Variants in CERT1 observed in about 807,000 individuals in gnomAD.
CERT1 encodes ceramide transporter 1.
A neutral mutation model predicts 87.9 loss-of-function variants in CERT1; 31 were observed. The ratio of observed to expected loss-of-function variants is 0.35; its 90% CI spans 0.27 to 0.48. The LOEUF is 0.48. Ranked by LOEUF, CERT1 falls within the 20% of genes least tolerant of loss-of-function variation. The pLI is 0.99. For missense variants in CERT1, 487 were observed against 758.0 expected (o/e 0.64, Z 4.20); for synonymous variants, 289 against 250.9 (o/e 1.15, Z -1.44).
chr5:75,468,761 T>A (rs928600381), intron 2 of CERT1, among the ~76,000 whole-genome samples: 1 of 152,168 alleles, frequency 6.6e-6, no homozygotes, highest in Non-Finnish European at 1.5e-5. Context: ...GCAACAGTCA[T>A]GGGCTTAGAG....
intron 3 of CERT1, among the ~76,000 whole-genome samples, chr5:75,442,749 G>GAAAGGAGAGAGGGA (rs1368310868): frequency 6.6e-6 from 1 of 152,068 alleles, no homozygotes; most frequent in African/African-American, 2.4e-5. Context: ...AACACATTTT[G>GAAAGGAGAGAGGGA]AAAGGAGAGA....
At chr5:75,504,409 T>C (rs996500318) in intron 2 of CERT1, among the ~76,000 whole-genome samples, 12 of 152,164 alleles carry the variant, frequency 7.9e-5, no homozygotes, top group African/African-American at 2.9e-4. Flanking sequence ...ATATTTCTTC[T>C]GTGTTTCTCT....
At chr5:75,382,123 C>T in intron 14 of CERT1, 46 bp from the exon 15 acceptor site, 1 of 1,569,484 alleles carries the variant, frequency 6.4e-7, no homozygotes, top group Non-Finnish European at 8.7e-7. Flanking sequence ...TAACATGGAA[C>T]TAACAAGAGA....
intron 11 of CERT1, among the ~76,000 whole-genome samples, chr5:75,393,503 C>T (rs1270118420): frequency 6.8e-6 from 1 of 147,744 alleles, no homozygotes; most frequent in South Asian, 2.2e-4. Context: ...CTAAGTTGGG[C>T]ATGGTGGTTC....
At chr5:75,501,086 A>T (rs1767347805) in intron 2 of CERT1, among the ~76,000 whole-genome samples, 1 of 151,514 alleles carries the variant, frequency 6.6e-6, no homozygotes, top group African/African-American at 2.4e-5. Flanking sequence ...GAAGCAGGTG[A>T]TCCTCCCACC....
intron 2 of CERT1, among the ~76,000 whole-genome samples, chr5:75,504,126 C>T (rs1004556901): frequency 3.3e-5 from 5 of 151,758 alleles, no homozygotes; most frequent in Non-Finnish European, 7.4e-5. Context: ...AATAAACATC[C>T]AATAATAATA....
At chr5:75,439,207 CA>C (rs1448033270) in intron 3 of CERT1, among the ~76,000 whole-genome samples, 74 of 140,198 alleles carry the variant, frequency 5.3e-4, no homozygotes, top group Non-Finnish European at 5.1e-4. Flanking sequence ...CTGAATTGAA[CA>C]AAAAAAAAAA....
intron 2 of CERT1, among the ~76,000 whole-genome samples, chr5:75,483,903 T>C (rs955365644): frequency 6.6e-6 from 1 of 150,770 alleles, no homozygotes; most frequent in African/African-American, 2.4e-5. Context: ...GTTACAAAAA[T>C]CACTAATAGT....
chr5:75,396,087 C>G (rs912294311), intron 11 of CERT1, among the ~76,000 whole-genome samples: 25 of 152,056 alleles, frequency 1.6e-4, no homozygotes, highest in Non-Finnish European at 3.1e-4. Context: ...ATTATTTCAG[C>G]CAATTCAAGG....
At chr5:75,381,022 T>C (rs757941759) in intron 16 of CERT1, 50 bp downstream of exon 16, 2 of 1,600,736 alleles carry the variant, frequency 1.2e-6, no homozygotes, top group Non-Finnish European at 1.7e-6. Flanking sequence ...ATATAGGTCA[T>C]GATCAAGAAC....
downstream of CERT1, chr5:75,375,305 C>G (rs996790701): frequency 6.6e-6 from 1 of 152,192 alleles, no homozygotes; most frequent in Non-Finnish European, 1.5e-5. Context: ...TTTTTACTGG[C>G]GGGGCTAGGT....
chr5:75,470,820 C>T (rs183805929), intron 2 of CERT1, among the ~76,000 whole-genome samples: 2 of 152,142 alleles, frequency 1.3e-5, no homozygotes, highest in Admixed American at 6.5e-5. Flanking sequence ...TTACATGACC[C>T]TTATATATAG....
intron 2 of CERT1, among the ~76,000 whole-genome samples, chr5:75,476,818 G>A (rs1765972850): frequency 6.6e-6 from 1 of 151,998 alleles, no homozygotes; most frequent in Non-Finnish European, 1.5e-5. Flanking sequence ...CTTCCTTGGA[G>A]GCAAAACTGA....
chr5:75,441,476 T>C (rs1262376086), intron 3 of CERT1, among the ~76,000 whole-genome samples: 3 of 152,196 alleles, frequency 2.0e-5, no homozygotes, highest in Non-Finnish European at 4.4e-5. Flanking sequence ...AGAGTACAGT[T>C]CAGTAGTGGT....
intron 2 of CERT1, among the ~76,000 whole-genome samples, chr5:75,463,196 A>G (rs1765313993): frequency 6.6e-6 from 1 of 152,074 alleles, no homozygotes; most frequent in Non-Finnish European, 1.5e-5. Flanking sequence ...ACACGAATAT[A>G]TATTCTGTAA....
At chr5:75,486,135 C>T (rs1766513046) in intron 2 of CERT1, among the ~76,000 whole-genome samples, 1 of 152,104 alleles carries the variant, frequency 6.6e-6, no homozygotes, top group Admixed American at 6.5e-5. Context: ...TTCAACAACA[C>T]ATTAAAAAGA....
chr5:75,474,740 G>C (rs1223012695), intron 2 of CERT1, among the ~76,000 whole-genome samples: 1 of 152,144 alleles, frequency 6.6e-6, no homozygotes, highest in Non-Finnish European at 1.5e-5. Context: ...TCAATTGTAA[G>C]TGAATTAAAA....
chr5:75,472,601 C>T (rs1023013950), intron 2 of CERT1, among the ~76,000 whole-genome samples: 9 of 152,132 alleles, frequency 5.9e-5, no homozygotes, highest in South Asian at 2.1e-4. Context: ...AAAAAATGCA[C>T]AAACACCTGA....
chr5:75,379,809 T>A (rs1379750365), intron 16 of CERT1, among the ~76,000 whole-genome samples: 1 of 152,112 alleles, frequency 6.6e-6, no homozygotes, highest in Non-Finnish European at 1.5e-5. Flanking sequence ...GGTCTCGAAC[T>A]CTTGACCTCA....
Sources: allele counts gnomAD v4.1 joint callset (sites outside exome capture counted in the v4.1 genomes callset), GRCh38; gene constraint gnomAD v4.1.1; transcripts MANE v1.5; gene names NCBI Gene and HGNC (gene_info 2026-07-23, HGNC 2026-07-21).